Variants in LYN observed in about 807,000 individuals in gnomAD.
The protein encoded by LYN is LYN proto-oncogene, Src family tyrosine kinase, also known as tyrosine-protein kinase Lyn.
In LYN, 12 loss-of-function variants were observed where a neutral mutation model predicts 65.0. That is an observed-to-expected ratio of 0.18 (90% CI 0.12 to 0.30). The LOEUF is 0.30. Ranked by LOEUF, LYN falls within the 10% of genes least tolerant of loss-of-function variation. The pLI is 1.00. For missense variants in LYN, 380 were observed against 623.2 expected, an observed-to-expected ratio of 0.61 and a Z score of 4.16; for synonymous variants, 222 against 221.2, an observed-to-expected ratio of 1.00 and a Z score of -0.03.
At chr8:55,962,936 GC>G (rs2130516156) in intron 8 of LYN, among the ~76,000 whole-genome samples, 1 of 152,338 alleles carries the variant, frequency 6.6e-6, no homozygotes, top group South Asian at 2.1e-4. Flanking sequence ...CAGAAGAGGT[GC>G]CATGCTTTTA....
At chr8:55,980,222 C>CT (rs374656861) in intron 10 of LYN, 1,664 of 151,682 alleles carry the variant, frequency 0.011, 30 homozygotes, top group African/African-American at 0.037. Flanking sequence ...GCAGTTGCTG[C>CT]TTTTTTTTTG....
rs539097146 is a variant in LYN at position 55,959,309 on chromosome 8, G to A, written c.790+5325G>A. Reference sequence around the variant, plus strand: ...CTTCTTTGGAGAAACGTATGTTCAAGTCCCTTTCTCACTTTTTAAATTGTG... The same window carrying A: ...CTTCTTTGGAGAAACGTATGTTCAAATCCCTTTCTCACTTTTTAAATTGTG... On this transcript the variant is annotated intron_variant, in intron 8 of 12. Coordinates refer to ENST00000519728, the MANE Select transcript of LYN (RefSeq NM_002350.4). 1.6e-4 allele frequency among the ~76,000 whole-genome samples: 24 copies of A among 152,292 alleles called. 1 individual carries two copies. The South Asian group carries it at 3.9e-3, about 25-fold the overall frequency.
At chr8:55,916,479 C>T (rs946073381) in intron 1 of LYN, among the ~76,000 whole-genome samples, 3 of 152,094 alleles carry the variant, frequency 2.0e-5, no homozygotes, top group Non-Finnish European at 4.4e-5. Context: ...AGGGTGCGTG[C>T]GAATATGGTT....
rs1382985468 is a variant in LYN, at chr8:56,009,956, T to G, written c.1385T>G (p.Met462Arg). ...VMTALSQGYR[M>R]PRVENCPDEL... ...ACCGCCCTGTCCCAGGGCTACAGGA[T>G]GCCCCGTGTGGAGAACTGCCCAGAT... The change falls in exon 13 of 13, where the codon ATG becomes AGG. Residue 462 changes from methionine (M) to arginine (R), a missense_variant. Coordinates refer to ENST00000519728, the MANE Select transcript of LYN (RefSeq NM_002350.4). The G allele has an allele frequency of 6.2e-7, 1 of 1,614,034 alleles. No individual in the cohort carries two copies.
intron 1 of LYN, among the ~76,000 whole-genome samples, chr8:55,933,305 A>T (rs1316022140): frequency 6.6e-6 from 1 of 152,190 alleles, no homozygotes; most frequent in Non-Finnish European, 1.5e-5. Flanking sequence ...CCCTCACAGA[A>T]CTGGCTTTGG....
chr8:55,982,913 G>A (rs549255656), intron 10 of LYN, among the ~76,000 whole-genome samples: 2 of 151,936 alleles, frequency 1.3e-5, no homozygotes, highest in African/African-American at 4.8e-5. Flanking sequence ...AGCACTTCCC[G>A]TCCCTTGAAC....
At chr8:55,891,180 C>T (rs1332965930) in intron 1 of LYN, among the ~76,000 whole-genome samples, 1 of 151,918 alleles carries the variant, frequency 6.6e-6, no homozygotes, top group Non-Finnish European at 1.5e-5. Context: ...TGGAGAAACC[C>T]CATCTCTACT....
At chr8:55,924,722 T>C (rs1469608547) in intron 1 of LYN, among the ~76,000 whole-genome samples, 2 of 152,182 alleles carry the variant, frequency 1.3e-5, no homozygotes, top group East Asian at 3.8e-4. Context: ...TTCCTCTTTT[T>C]CACCTTTAAA....
chr8:55,935,518 A>G (rs1223351519), intron 1 of LYN, among the ~76,000 whole-genome samples: 1 of 152,200 alleles, frequency 6.6e-6, no homozygotes, highest in Non-Finnish European at 1.5e-5. Context: ...TCACGCCTGT[A>G]ATCCCAGCAC....
chr8:55,911,780 A>T (rs1385340974), intron 1 of LYN, among the ~76,000 whole-genome samples: 1 of 152,126 alleles, frequency 6.6e-6, no homozygotes, highest in East Asian at 1.9e-4. Flanking sequence ...GATGAATTTG[A>T]TTTGAAGATT....
intron 1 of LYN, among the ~76,000 whole-genome samples, chr8:55,914,191 G>A (rs1805721634): frequency 6.6e-6 from 1 of 151,936 alleles, no homozygotes; most frequent in Non-Finnish European, 1.5e-5. Context: ...CCAGGTCAGA[G>A]GGTTTTTAGG....
chr8:55,953,563 T>C (rs1322965189), intron 7 of LYN, among the ~76,000 whole-genome samples: 1 of 151,922 alleles, frequency 6.6e-6, no homozygotes, highest in East Asian at 1.9e-4. Context: ...CAGAAGAATT[T>C]CTTGAACCCA....
At chr8:55,939,872 G>T (rs978241830) in intron 1 of LYN, among the ~76,000 whole-genome samples, 5 of 152,150 alleles carry the variant, frequency 3.3e-5, no homozygotes, top group Non-Finnish European at 2.9e-5. Context: ...AAACTTTAGC[G>T]TATTAAAAAA....
rs755720048 is a variant in LYN at position 55,908,987 on chromosome 8, A to ATGTGTG, written c.-6+28887_-6+28888insGTGTGT. 1.6e-3 allele frequency among the ~76,000 whole-genome samples: 117 copies of ATGTGTG among 71,782 alleles called. 2 individuals are homozygous for ATGTGTG. The highest frequency in any genetic ancestry group is 8.0e-3 in the East Asian group (17 of 2,126). The allele number at this position is 71,782 out of a possible 152,430, so 47.1% of individuals were successfully genotyped here. On this transcript the variant is annotated intron_variant, in intron 1 of 12. Transcript: ENST00000519728. ...GTGGCTGAATGGTATTCCATTGTGTATGTATATATATATATATATATATAC... is the reference window on the plus strand; with the variant it reads ...GTGGCTGAATGGTATTCCATTGTGTATGTGTGTGTATATATATATATATATATATAC...
chr8:55,939,476 G>T (rs1188490871), intron 1 of LYN, among the ~76,000 whole-genome samples: 1 of 152,040 alleles, frequency 6.6e-6, no homozygotes, highest in East Asian at 1.9e-4. Context: ...GAGAGAGAGA[G>T]AGAGAGAGAG....
chr8:56,007,416 T>C (rs1336236165), intron 12 of LYN, among the ~76,000 whole-genome samples: 3 of 152,192 alleles, frequency 2.0e-5, no homozygotes, highest in South Asian at 2.1e-4. Context: ...GCAATGAAAA[T>C]CAAATGAAGT....
intron 8 of LYN, among the ~76,000 whole-genome samples, chr8:55,966,203 T>A (rs1807453386): frequency 6.6e-6 from 1 of 152,138 alleles, no homozygotes; most frequent in South Asian, 2.1e-4. Flanking sequence ...ATAGAAACCT[T>A]TTGATTTTTG....
chr8:55,900,404 A>G (rs182850733), intron 1 of LYN, among the ~76,000 whole-genome samples: 1 of 152,056 alleles, frequency 6.6e-6, no homozygotes, highest in Admixed American at 6.6e-5. Context: ...ATAGGATTTC[A>G]TTGTGTTGCC....
intron 8 of LYN, among the ~76,000 whole-genome samples, chr8:55,962,380 T>A (rs1807311512): frequency 6.6e-6 from 1 of 152,028 alleles, no homozygotes; most frequent in Non-Finnish European, 1.5e-5. Context: ...TGGCTACAAT[T>A]CATTCATCTT....
Sources: gnomAD v4.1 joint callset for allele counts (sites outside exome capture counted in the v4.1 genomes callset) on GRCh38, gnomAD v4.1.1 for gene constraint, MANE v1.5 for transcripts, NCBI Gene and HGNC (gene_info 2026-07-23, HGNC 2026-07-21) for gene names.